Variants in CTTNBP2 observed in about 807,000 individuals in gnomAD.
CTTNBP2 encodes cortactin-binding protein 2.
CTTNBP2 carries 108 observed loss-of-function variants against 156.9 expected under a neutral mutation model. The ratio of observed to expected loss-of-function variants is 0.69; its 90% CI spans 0.59 to 0.81. The LOEUF (loss-of-function observed/expected upper bound fraction) is 0.81. CTTNBP2 is among the 30% of genes least tolerant of loss of function. CTTNBP2 has a pLI of 0.00. For missense variants in CTTNBP2, 1,924 were observed against 2,035.4 expected (o/e 0.95, Z 1.05); for synonymous variants, 767 against 751.8 (o/e 1.02, Z -0.33).
At chr7:117,755,008 G>A (rs1257877190) in intron 12 of CTTNBP2, among the ~76,000 whole-genome samples, 1 of 152,186 alleles carries the variant, frequency 6.6e-6, no homozygotes, top group East Asian at 1.9e-4. Context: ...AGAAGGGAGT[G>A]GTTCTACCAG....
intron 9 of CTTNBP2, among the ~76,000 whole-genome samples, chr7:117,761,754 TG>T (rs1797229541): frequency 6.6e-6 from 1 of 152,232 alleles, no homozygotes; most frequent in Non-Finnish European, 1.5e-5. Flanking sequence ...ATCAAAGGTA[TG>T]TTTTTTTCAA....
At chr7:117,817,760 A>C (rs1019018966) in intron 2 of CTTNBP2, among the ~76,000 whole-genome samples, 8 of 152,150 alleles carry the variant, frequency 5.3e-5, no homozygotes, top group African/African-American at 1.9e-4. Flanking sequence ...AACAAAAAAA[A>C]CTTTTATTGA....
At chr7:117,861,840 G>A (rs936722511) in intron 1 of CTTNBP2, among the ~76,000 whole-genome samples, 1 of 151,930 alleles carries the variant, frequency 6.6e-6, no homozygotes, top group East Asian at 1.9e-4. Flanking sequence ...TCACAAAGTG[G>A]GTTTGTCGTT....
At chr7:117,808,502 G>T (rs1333212029) in intron 3 of CTTNBP2, among the ~76,000 whole-genome samples, 1 of 152,182 alleles carries the variant, frequency 6.6e-6, no homozygotes, top group East Asian at 1.9e-4. Flanking sequence ...GTCGCAGCAG[G>T]AGCCAACGCA....
intron 8 of CTTNBP2, among the ~76,000 whole-genome samples, chr7:117,773,202 G>GT (rs1273795350): frequency 6.6e-6 from 1 of 152,144 alleles, no homozygotes; most frequent in Non-Finnish European, 1.5e-5. Context: ...AATAACTTTA[G>GT]TGACTCCTAT....
Position 117,710,664 on chromosome 7 carries a change from ATATTT to A in CTTNBP2, c.*868_*872del, listed in dbSNP as rs1224036225. ...ACAGCAAAATGATTTCATGAAATCA[ATATTT>A]TATTCAGTGTCAAAGCATCTTAACT... is the stretch of plus-strand genomic sequence containing the variant. On this transcript the variant is annotated 3_prime_UTR_variant, in exon 23 of 23. Coordinates refer to ENST00000160373, the MANE Select transcript of CTTNBP2 (RefSeq NM_033427.3). 2.0e-5 allele frequency: 3 copies of A among 152,606 alleles called. No individual in the cohort carries two copies. Among genetic ancestry groups the A allele is most frequent in the South Asian group, 2.1e-4 (1 of 4,834 alleles). 9.5% of individuals were successfully genotyped at this position (152,606 alleles called of 1,614,324 possible). A position where few individuals can be genotyped will look rare whatever the true frequency, so the allele number is the denominator to read the frequency against.
chr7:117,845,964 C>T (rs1802557087), intron 2 of CTTNBP2, among the ~76,000 whole-genome samples: 1 of 152,122 alleles, frequency 6.6e-6, no homozygotes, highest in Non-Finnish European at 1.5e-5. Flanking sequence ...CATTCTCCTG[C>T]TTCAGCCTCC....
intron 2 of CTTNBP2, among the ~76,000 whole-genome samples, chr7:117,847,464 G>A (rs936343706): frequency 1.3e-5 from 2 of 152,168 alleles, no homozygotes; most frequent in African/African-American, 4.8e-5. Flanking sequence ...TAAATCAGGA[G>A]GCAGATGTTG....
chr7:117,753,022 G>T (rs1436804260), intron 12 of CTTNBP2, among the ~76,000 whole-genome samples: 34 of 152,046 alleles, frequency 2.2e-4, no homozygotes, highest in Admixed American at 2.2e-3. Flanking sequence ...TCTGACAAAG[G>T]TCTCATACCC....
At chr7:117,811,679 C>T (rs920058531) in intron 2 of CTTNBP2, among the ~76,000 whole-genome samples, 6 of 151,826 alleles carry the variant, frequency 4.0e-5, no homozygotes, top group South Asian at 4.2e-4. Context: ...ATCTCTATAT[C>T]GATAGAACTT....
At chr7:117,859,559 G>A (rs1413696678) in intron 2 of CTTNBP2, among the ~76,000 whole-genome samples, 1 of 152,164 alleles carries the variant, frequency 6.6e-6, no homozygotes, top group Non-Finnish European at 1.5e-5. Context: ...CACCACAAGA[G>A]GCTATACTAC....
At position 117,745,126 on chromosome 7, in the gene CTTNBP2, C is replaced by T. The variant is rs549793120; in HGVS notation, c.3535+705G>A. ...TATGCTAATTCCACCTGTGATGAAACGTGGGGTATTAGACCCTGGAATCTA... is the reference window on the plus strand; with the variant it reads ...TATGCTAATTCCACCTGTGATGAAATGTGGGGTATTAGACCCTGGAATCTA... On this transcript the variant is annotated intron_variant, in intron 14 of 22. Coordinates refer to ENST00000160373, the MANE Select transcript of CTTNBP2 (RefSeq NM_033427.3). 5.9e-5 allele frequency among the ~76,000 whole-genome samples: 9 copies of T among 152,224 alleles called. No individual in the cohort carries two copies. The South Asian group carries it at 1.5e-3, about 25-fold the overall frequency.
chr7:117,735,824 GT>G (rs976318324), intron 14 of CTTNBP2, among the ~76,000 whole-genome samples: 1 of 152,158 alleles, frequency 6.6e-6, no homozygotes, highest in African/African-American at 2.4e-5. Context: ...ATCATGTAAA[GT>G]TCAAAACAGG....
intron 10 of CTTNBP2, among the ~76,000 whole-genome samples, chr7:117,759,902 G>C (rs1056740454): frequency 6.6e-6 from 1 of 152,172 alleles, no homozygotes; most frequent in Admixed American, 6.5e-5. Context: ...AGCAAATCTC[G>C]TAAGTTCCTT....
intron 8 of CTTNBP2, among the ~76,000 whole-genome samples, chr7:117,767,806 T>C (rs1183498436): frequency 1.3e-5 from 2 of 152,234 alleles, no homozygotes; most frequent in Non-Finnish European, 2.9e-5. Context: ...TAAGGAAATC[T>C]CCATTCAAAA....
Position 117,792,891 on chromosome 7 carries a change from GT to G in CTTNBP2, c.415-111del. The G allele has an allele frequency of 1.3e-6, 1 of 757,968 alleles. No individual in the cohort carries two copies. The highest frequency in any genetic ancestry group is 1.9e-6 in the Non-Finnish European group (1 of 527,120). 47.0% of individuals were successfully genotyped at this position (757,968 alleles called of 1,614,324 possible). ...ATTTTCTAACAATTACATAACTCGG[GT>G]TAGCAAAAACGCCACATTTTCAAAA... On this transcript the variant is annotated intron_variant, in intron 3 of 22. Transcript: ENST00000160373. This position sits in a 1 kb window ranked among gnomAD's most constrained non-coding sequence, Gnocchi z 4.2.
chr7:117,806,149 A>G (rs1363400906), intron 3 of CTTNBP2, among the ~76,000 whole-genome samples: 1 of 152,152 alleles, frequency 6.6e-6, no homozygotes, highest in Non-Finnish European at 1.5e-5. Context: ...AAAGCAGTGG[A>G]TTGTGTGGAA....
chr7:117,862,316 G>C lies in CTTNBP2; in HGVS notation c.82-1000C>G, dbSNP rs561439424. On this transcript the variant is annotated intron_variant, in intron 1 of 22. Transcript: ENST00000160373. ...ACCAGAGCCCTAGGTGTGGGGTGGG[G>C]TGGGGGGGCGGTGTGGTGGTTCATA... 2.1e-4 allele frequency among the ~76,000 whole-genome samples: 32 copies of C among 150,454 alleles called. No homozygotes were observed. In the South Asian group the frequency reaches 6.3e-3, roughly 30 times the overall value.
At chr7:117,758,810 T>C (rs1354789574) in intron 10 of CTTNBP2, among the ~76,000 whole-genome samples, 1 of 152,238 alleles carries the variant, frequency 6.6e-6, no homozygotes, top group Non-Finnish European at 1.5e-5. Flanking sequence ...TGTGAAATGC[T>C]ACTAGGGTGC....
Sources: allele counts gnomAD v4.1 joint callset (sites outside exome capture counted in the v4.1 genomes callset), GRCh38; gene constraint gnomAD v4.1.1; non-coding constraint Gnocchi (gnomAD v3.1); transcripts MANE v1.5; gene names NCBI Gene and HGNC (gene_info 2026-07-23, HGNC 2026-07-21).